Variants in SPATA21 observed in about 807,000 individuals in gnomAD.
The protein encoded by SPATA21 is spermatogenesis-associated protein 21.
In SPATA21, 47 loss-of-function variants were observed where a neutral mutation model predicts 54.8. The ratio of observed to expected loss-of-function variants is 0.86; its 90% CI spans 0.68 to 1.09. The LOEUF (loss-of-function observed/expected upper bound fraction) is 1.09, where lower values mean the gene tolerates loss of function less well. Among genes scored for constraint, SPATA21 ranks in the 50% least tolerant of loss-of-function variants. SPATA21 has a pLI of 0.00. For synonymous variants in SPATA21, 245 were observed against 235.3 expected (o/e 1.04, Z -0.38); for missense variants, 599 against 596.4 (o/e 1.00, Z -0.05).
In SPATA21 at chr1:16,425,409, G is replaced by A. The variant is rs572944693; in HGVS notation, c.35-3438C>T. 1.0e-4 allele frequency: 126 copies of A among 1,202,654 alleles called. No individual in the cohort carries two copies. The African/African-American group carries it at 1.7e-3, about 16-fold the overall frequency. The allele number at this position is 1,202,654 out of a possible 1,614,324, so 74.5% of individuals were successfully genotyped here. A position where few individuals can be genotyped will look rare whatever the true frequency, so the allele number is the denominator to read the frequency against. ...GATCACCCCTGCCTCAGCCTCCCAA[G>A]TAGCTGGGACTACAGATACATGCAC... On this transcript the variant is annotated intron_variant, in intron 3 of 12. Coordinates refer to ENST00000335496, the MANE Select transcript of SPATA21 (RefSeq NM_198546.1).
At chr1:16,404,205 C>G (rs1451581543) in intron 8 of SPATA21, among the ~76,000 whole-genome samples, 166 bp from the exon 9 acceptor site, 1 of 152,206 alleles carries the variant, frequency 6.6e-6, no homozygotes, top group Non-Finnish European at 1.5e-5. Flanking sequence ...TGAAAGTGCT[C>G]AGACCTGTAA....
intron 5 of SPATA21, among the ~76,000 whole-genome samples, chr1:16,415,136 A>G (rs1257138521): frequency 6.6e-6 from 1 of 152,178 alleles, no homozygotes; most frequent in African/African-American, 2.4e-5. Flanking sequence ...CAGGAGTTCG[A>G]GAAGAGCCTG....
chr1:16,434,218 T>C (rs1202192168), intron 1 of SPATA21, among the ~76,000 whole-genome samples: 4 of 152,212 alleles, frequency 2.6e-5, no homozygotes, highest in African/African-American at 9.6e-5. Context: ...AATATTTCAC[T>C]GTATGGCTAG....
At chr1:16,418,435 C>G (rs557270349) in intron 5 of SPATA21, among the ~76,000 whole-genome samples, 21 of 151,786 alleles carry the variant, frequency 1.4e-4, no homozygotes, top group Non-Finnish European at 2.5e-4. Context: ...CCATGCCCAG[C>G]TAATTTTTTT....
chr1:16,419,682 G>A (rs2086114464), intron 5 of SPATA21, among the ~76,000 whole-genome samples: 1 of 152,242 alleles, frequency 6.6e-6, no homozygotes, highest in Non-Finnish European at 1.5e-5. Context: ...GCTCACGCCT[G>A]TGATCCCAGC....
intron 7 of SPATA21, among the ~76,000 whole-genome samples, chr1:16,408,913 C>CT (rs1030161225): frequency 2.0e-5 from 3 of 151,690 alleles, no homozygotes; most frequent in African/African-American, 7.3e-5. Context: ...TTCTGGCCCC[C>CT]CCAACCCAGC....
intron 10 of SPATA21, among the ~76,000 whole-genome samples, chr1:16,401,862 T>G (rs2085458740): frequency 6.6e-6 from 1 of 152,156 alleles, no homozygotes; most frequent in Non-Finnish European, 1.5e-5. Flanking sequence ...TACAACATCA[T>G]TCATTTAGTA....
intron 3 of SPATA21, chr1:16,427,934 G>T: frequency 6.5e-7 from 1 of 1,550,310 alleles, no homozygotes; most frequent in Non-Finnish European, 8.7e-7. Flanking sequence ...GCATCTCTGA[G>T]TCTGGGCCCC....
At chr1:16,410,392 C>T (rs934696658) in intron 5 of SPATA21, among the ~76,000 whole-genome samples, 3 of 151,544 alleles carry the variant, frequency 2.0e-5, no homozygotes, top group Admixed American at 6.6e-5. Flanking sequence ...ACTACAGCCG[C>T]GCACTACAAC....
At position 16,430,617 on chromosome 1, in the gene SPATA21, A is replaced by G. The variant is rs143422724; in HGVS notation, c.34+721T>C. ...AGTTTGGAGGCCATGCAAGGCACCT[A>G]GAAGAGCGAGTAGGCAATTCTGGGT... On this transcript the variant is annotated intron_variant, in intron 3 of 12. Transcript: ENST00000335496. Among the ~76,000 whole-genome samples, 80 of 152,292 alleles carry G rather than the reference A, an allele frequency of 5.3e-4. No individual in the cohort carries two copies. In the East Asian group the frequency reaches 0.014, roughly 27 times the overall value.
intron 3 of SPATA21, among the ~76,000 whole-genome samples, chr1:16,426,849 G>T (rs1224026006): frequency 6.6e-6 from 1 of 151,620 alleles, no homozygotes; most frequent in Non-Finnish European, 1.5e-5. Flanking sequence ...CAAAGTGCTG[G>T]GATTACAGGT....
intron 1 of SPATA21, among the ~76,000 whole-genome samples, chr1:16,434,348 C>T (rs760383908): frequency 3.3e-5 from 5 of 150,650 alleles, no homozygotes; most frequent in African/African-American, 2.4e-5. Context: ...TGCAGCAGTG[C>T]GATCGTAGCT....
At position 16,409,500 on chromosome 1, in the gene SPATA21, C is replaced by T. The variant is rs1394114638; in HGVS notation, c.587+101G>A. On this transcript the variant is annotated intron_variant, in intron 6 of 12. Coordinates refer to ENST00000335496, the MANE Select transcript of SPATA21 (RefSeq NM_198546.1). This position sits in a 1 kb window ranked among gnomAD's most constrained non-coding sequence, Gnocchi z 4.1. ...GGAGAAATGGAGAGAGGGGGACACA[C>T]GAGGGAACAGGCAGGTGCAGGGACA... is the stretch of plus-strand genomic sequence containing the variant. 9 of 1,252,748 alleles carry T rather than the reference C, an allele frequency of 7.2e-6. No individual in the cohort carries two copies. The highest frequency in any genetic ancestry group is 5.0e-5 in the East Asian group (2 of 39,730). 77.6% of individuals were successfully genotyped at this position (1,252,748 alleles called of 1,614,324 possible).
chr1:16,406,184 A>C (rs2085635083), intron 7 of SPATA21, among the ~76,000 whole-genome samples: 1 of 151,976 alleles, frequency 6.6e-6, no homozygotes, highest in East Asian at 1.9e-4. Context: ...CAGTGGTGCA[A>C]TCTTGGCACA....
chr1:16,403,287 G>A (rs954619663), intron 10 of SPATA21, among the ~76,000 whole-genome samples: 11 of 152,042 alleles, frequency 7.2e-5, no homozygotes, highest in African/African-American at 1.7e-4. Flanking sequence ...GCATGGGGCC[G>A]CCAGCTACCA....
intron 3 of SPATA21, among the ~76,000 whole-genome samples, chr1:16,430,557 C>G (rs1414205952): frequency 3.3e-5 from 5 of 152,146 alleles, no homozygotes; most frequent in Non-Finnish European, 2.9e-5. Flanking sequence ...GAGTAGCTCT[C>G]AGGAGAATAA....
chr1:16,426,876 G>A (rs113918939), intron 3 of SPATA21, among the ~76,000 whole-genome samples: 2,451 of 151,948 alleles, frequency 0.016, 77 homozygotes, highest in African/African-American at 0.056. Flanking sequence ...CACTGTGCCC[G>A]GCCTAATGTA....
intron 10 of SPATA21, among the ~76,000 whole-genome samples, chr1:16,402,540 C>T (rs1485564084): frequency 2.0e-5 from 3 of 148,384 alleles, no homozygotes; most frequent in East Asian, 4.4e-4. Flanking sequence ...GGATTACAGG[C>T]ATGAGCCACC....
At chr1:16,433,985 C>A (rs1023857322) in intron 1 of SPATA21, among the ~76,000 whole-genome samples, 1 of 152,114 alleles carries the variant, frequency 6.6e-6, no homozygotes, top group East Asian at 1.9e-4. Flanking sequence ...AAACCCCACA[C>A]CCCTTGGGCA....
Sources: allele counts gnomAD v4.1 joint callset (sites outside exome capture counted in the v4.1 genomes callset), GRCh38; gene constraint gnomAD v4.1.1; non-coding constraint Gnocchi (gnomAD v3.1); transcripts MANE v1.5; gene names NCBI Gene and HGNC (gene_info 2026-07-23, HGNC 2026-07-21).